The following FSTL5 variants were observed in gnomAD, a reference collection of about 807,000 sequenced individuals.
FSTL5 encodes the protein follistatin like 5.
A neutral mutation model predicts 89.1 loss-of-function variants in FSTL5; 62 were observed. The ratio of observed to expected loss-of-function variants is 0.70; its 90% confidence interval spans 0.57 to 0.86. The LOEUF is 0.86. FSTL5 is among the 40% of genes least tolerant of loss of function. The pLI is 0.00. For synonymous variants in FSTL5, 383 were observed against 346.2 expected, an observed-to-expected ratio of 1.11 and a Z score of -1.18; for missense variants, 1,057 against 1,001.6, an observed-to-expected ratio of 1.06 and a Z score of -0.75.
intron 2 of FSTL5, among the ~76,000 whole-genome samples, chr4:162,089,718 G>C (rs1360302487): frequency 6.7e-6 from 1 of 149,856 alleles, no homozygotes; most frequent in Non-Finnish European, 1.5e-5. Flanking sequence ...TAAAAATCAA[G>C]TTAAACTTCT....
intron 4 of FSTL5, among the ~76,000 whole-genome samples, chr4:161,864,001 C>T (rs1438668433): frequency 6.6e-6 from 1 of 152,116 alleles, no homozygotes; most frequent in African/African-American, 2.4e-5. Flanking sequence ...TCAAGGTGTT[C>T]TATTTAGTTG....
intron 10 of FSTL5, among the ~76,000 whole-genome samples, chr4:161,527,589 A>T (rs1409221159): frequency 6.6e-6 from 1 of 152,130 alleles, no homozygotes; most frequent in Non-Finnish European, 1.5e-5. Flanking sequence ...TCAAAACCAC[A>T]ATGAGATACC....
intron 7 of FSTL5, among the ~76,000 whole-genome samples, chr4:161,636,243 C>G (rs985812176): frequency 2.0e-5 from 3 of 151,988 alleles, no homozygotes; most frequent in Admixed American, 6.6e-5. Flanking sequence ...TATATGGATA[C>G]TATTAAAGAA....
At chr4:161,787,387 A>C (rs1364871267) in intron 4 of FSTL5, among the ~76,000 whole-genome samples, 1 of 152,094 alleles carries the variant, frequency 6.6e-6, no homozygotes, top group Non-Finnish European at 1.5e-5. Flanking sequence ...GATAAAAGAG[A>C]ACATTTGTAA....
intron 3 of FSTL5, among the ~76,000 whole-genome samples, chr4:161,965,677 T>A (rs1020314590): frequency 7.2e-5 from 11 of 152,084 alleles, no homozygotes; most frequent in African/African-American, 2.7e-4. Flanking sequence ...TTTAAATGTA[T>A]AAAAAAGTGA....
chr4:161,469,560 T>G (rs1477877111), intron 13 of FSTL5, among the ~76,000 whole-genome samples: 2 of 152,210 alleles, frequency 1.3e-5, no homozygotes, highest in Non-Finnish European at 2.9e-5. Flanking sequence ...ATATTGGTCA[T>G]CTTTTTATAT....
chr4:161,767,117 C>A (rs1224558642), intron 5 of FSTL5, among the ~76,000 whole-genome samples: 2 of 152,192 alleles, frequency 1.3e-5, no homozygotes, highest in Admixed American at 1.3e-4. Context: ...GAGCTCTATG[C>A]TCCTTTTCAT....
intron 6 of FSTL5, among the ~76,000 whole-genome samples, chr4:161,725,826 G>A (rs1264277548): frequency 2.0e-5 from 3 of 152,188 alleles, no homozygotes; most frequent in Non-Finnish European, 4.4e-5. Flanking sequence ...TTATGAGGTA[G>A]GAGGTATTAT....
intron 15 of FSTL5, among the ~76,000 whole-genome samples, chr4:161,395,525 A>C (rs1040354491): frequency 6.6e-6 from 1 of 152,152 alleles, no homozygotes; most frequent in Admixed American, 6.5e-5. Flanking sequence ...ATACTCTTTC[A>C]AAATATTAAC....
At chr4:161,916,755 C>T (rs746793801) in intron 4 of FSTL5, among the ~76,000 whole-genome samples, 2 of 151,286 alleles carry the variant, frequency 1.3e-5, no homozygotes, top group Non-Finnish European at 2.9e-5. Context: ...ATTTAAAAGT[C>T]AATAATAATA....
Position 162,033,635 on chromosome 4 carries a change from T to G in FSTL5, c.150A>C (p.Ser50=). ...RHKQEKNQES[S]RVKGFMIQDG... ...GCAATCATTTCTTACCTTTGACTCT[T>G]GAACTTTCTTGATTTTTTTCCTGCT... The change falls in exon 3 of 16, where the codon TCA becomes TCC. Residue 50 remains serine, a synonymous_variant. Coordinates refer to ENST00000306100, the MANE Select transcript of FSTL5 (RefSeq NM_020116.5). The G allele has an allele frequency of 1.3e-6, 2 of 1,491,586 alleles. No homozygotes were observed. The highest frequency in any genetic ancestry group is 1.2e-5 in the South Asian group (1 of 82,544). The allele number at this position is 1,491,586 out of a possible 1,614,324, so 92.4% of individuals were successfully genotyped here. A position where few individuals can be genotyped will look rare whatever the true frequency, so the allele number is the denominator to read the frequency against.
chr4:161,585,235 G>T (rs1410380275), intron 8 of FSTL5, among the ~76,000 whole-genome samples: 1 of 152,152 alleles, frequency 6.6e-6, no homozygotes, highest in Non-Finnish European at 1.5e-5. Flanking sequence ...TGGCAAATGA[G>T]TAAGTTATGT....
intron 1 of FSTL5, among the ~76,000 whole-genome samples, chr4:162,141,876 GAAGTGTACACAGGTAGAAAA>G (rs150026224): frequency 1.9e-4 from 28 of 146,856 alleles, no homozygotes; most frequent in Non-Finnish European, 2.9e-4. Context: ...CAGGTAGAAA[GAAGTGTACACAGGTAGAAAA>G]AAGTGTACAC....
intron 7 of FSTL5, 117 bp downstream of exon 7, chr4:161,656,211 C>T (rs1407533792): frequency 2.6e-5 from 13 of 495,474 alleles, no homozygotes; most frequent in Non-Finnish European, 4.4e-5. Context: ...TAGCAATGTC[C>T]CAATAATTCT....
intron 2 of FSTL5, among the ~76,000 whole-genome samples, chr4:162,073,976 T>C (rs1729732946): frequency 6.6e-6 from 1 of 151,812 alleles, no homozygotes; most frequent in African/African-American, 2.4e-5. Flanking sequence ...ATTTTTTCCT[T>C]GTATTTTCAC....
intron 8 of FSTL5, among the ~76,000 whole-genome samples, chr4:161,583,215 A>C (rs1006538496): frequency 3.9e-5 from 6 of 151,916 alleles, no homozygotes; most frequent in Admixed American, 3.9e-4. Flanking sequence ...TAAATAAATA[A>C]ATAAAAGTTC....
intron 12 of FSTL5, among the ~76,000 whole-genome samples, chr4:161,490,692 G>A (rs1031593902): frequency 1.1e-4 from 17 of 152,056 alleles, no homozygotes; most frequent in Admixed American, 9.8e-4. Context: ...ACTCTGAAAT[G>A]CAATCAATTT....
intron 1 of FSTL5, among the ~76,000 whole-genome samples, chr4:162,133,059 C>A (rs1035483113): frequency 6.6e-6 from 1 of 152,166 alleles, no homozygotes; most frequent in African/African-American, 2.4e-5. Flanking sequence ...TCTCCTACCT[C>A]ACTCAGCCTC....
chr4:161,872,413 C>T (rs1002353699), intron 4 of FSTL5, among the ~76,000 whole-genome samples: 1 of 152,110 alleles, frequency 6.6e-6, no homozygotes, highest in Non-Finnish European at 1.5e-5. Context: ...AATGCAGTGG[C>T]TTTAAAAATG....
Sources: gnomAD v4.1 joint callset for allele counts (sites outside exome capture counted in the v4.1 genomes callset) on GRCh38, gnomAD v4.1.1 for gene constraint, MANE v1.5 for transcripts, NCBI Gene and HGNC (gene_info 2026-07-23, HGNC 2026-07-21) for gene names.